CHL1: variants seen among roughly 807,000 people sequenced by gnomAD.
CHL1 encodes cell adhesion molecule L1 like.
Under a neutral mutation model 141.9 loss-of-function variants are expected in CHL1, and 96 were observed. That is an observed-to-expected ratio of 0.68 (90% CI 0.57 to 0.80). CHL1 has a LOEUF of 0.80. Among genes scored for constraint, CHL1 ranks in the 30% least tolerant of loss-of-function variants. CHL1 has a pLI of 0.00. For synonymous variants in CHL1, 613 were observed against 502.2 expected (o/e 1.22, Z -2.95); for missense variants, 1,820 against 1,457.2 (o/e 1.25, Z -4.05).
chr3:241,398 G>C (rs1692544068), intron 1 of CHL1, among the ~76,000 whole-genome samples: 1 of 152,152 alleles, frequency 6.6e-6, no homozygotes, highest in Non-Finnish European at 1.5e-5. Flanking sequence ...TGAAATATTA[G>C]ATAACTTCAG....
intron 1 of CHL1, among the ~76,000 whole-genome samples, chr3:243,761 A>G (rs1450917148): frequency 1.3e-5 from 2 of 152,148 alleles, no homozygotes; most frequent in African/African-American, 4.8e-5. Context: ...TAGTTTTATA[A>G]ATCTCCTTAA....
intron 5 of CHL1, among the ~76,000 whole-genome samples, chr3:336,216 T>C (rs536751910): frequency 1.3e-5 from 2 of 152,300 alleles, no homozygotes; most frequent in South Asian, 4.2e-4. Flanking sequence ...AAAAAGGCAT[T>C]GTACTTCTTT....
chr3:338,923 C>G (rs992930679), intron 5 of CHL1, among the ~76,000 whole-genome samples: 1 of 152,122 alleles, frequency 6.6e-6, no homozygotes, highest in Non-Finnish European at 1.5e-5. Flanking sequence ...TCTCAGGGAG[C>G]AGCTCTCCAA....
At chr3:334,046 TC>T (rs1701671561) in intron 5 of CHL1, among the ~76,000 whole-genome samples, 2 of 152,292 alleles carry the variant, frequency 1.3e-5, no homozygotes, top group African/African-American at 4.8e-5. Flanking sequence ...AGCCTCATCC[TC>T]CTGGGCTCTA....
rs202209788 is a variant in CHL1, at chr3:216,060, G to GA, written c.-175+19001dup. Reference sequence around the variant, plus strand: ...GTTATTAGGAATATTTTAAATATAAGAAAATGTGATACAAACCTGGCTGCC... The same window carrying GA: ...GTTATTAGGAATATTTTAAATATAAGAAAAATGTGATACAAACCTGGCTGCC... On this transcript the variant is annotated intron_variant, in intron 1 of 27. Transcript: ENST00000256509. Among the ~76,000 whole-genome samples, 1,186 of 152,234 alleles carry GA rather than the reference G, an allele frequency of 7.8e-3. 13 individuals are homozygous for GA. The highest frequency in any genetic ancestry group is 0.028 in the African/African-American group (1,145 of 41,530).
At chr3:400,137 C>G (rs989045657) in intron 26 of CHL1, among the ~76,000 whole-genome samples, 3 of 152,142 alleles carry the variant, frequency 2.0e-5, no homozygotes, top group Non-Finnish European at 4.4e-5. Flanking sequence ...GGTTACACTG[C>G]TATTTGTTTC....
chr3:318,553 A>G (rs1418526490), intron 2 of CHL1, among the ~76,000 whole-genome samples: 1 of 151,742 alleles, frequency 6.6e-6, no homozygotes, highest in Non-Finnish European at 1.5e-5. Flanking sequence ...TTGAAATTGT[A>G]AGAGAAAGTA....
intron 15 of CHL1, among the ~76,000 whole-genome samples, chr3:371,388 T>C (rs1296655489): frequency 1.3e-5 from 2 of 152,196 alleles, no homozygotes; most frequent in Non-Finnish European, 2.9e-5. Flanking sequence ...CTGATCTTTG[T>C]TGGTTTTAAG....
chr3:382,904 A>G (rs903949311), intron 18 of CHL1, among the ~76,000 whole-genome samples: 2 of 152,184 alleles, frequency 1.3e-5, no homozygotes, highest in African/African-American at 4.8e-5. Context: ...AAAAAACATT[A>G]CTTTCAGTAA....
rs1559311967 is a variant in CHL1, at chr3:363,274, T to A, written c.1476T>A (p.Asn492Lys). Reference protein sequence around the residue: ...LEGRRYHIYENGTLQINRTTE... With the variant: ...LEGRRYHIYEKGTLQINRTTE... ...GCAGGCGGTATCATATCTATGAAAA[T>A]GGCACATTGCAGATCAACAGAACCA... is the stretch of plus-strand genomic sequence containing the variant. Residue 492 changes from asparagine (N) to lysine (K), a missense_variant, in exon 14 of 28, where the codon AAT (asparagine) becomes AAA (lysine). By Grantham distance (94) the Asn-to-Lys change is moderately conservative (BLOSUM62 0). Transcript: ENST00000256509. 4 of 1,613,648 alleles carry A rather than the reference T, an allele frequency of 2.5e-6. No homozygotes were observed. Among genetic ancestry groups the A allele is most frequent in the Non-Finnish European group, 3.4e-6 (4 of 1,179,708 alleles).
Position 366,106 on chromosome 3 carries a change from A to G in CHL1, c.1742A>G (p.Glu581Gly). ...GAAGCCTTTGAAATTAATGGCACAG[A>G]AGATGGCAGGTAGGTAAACTATTAT... ...DGEAFEINGT[E>G]DGRIIIDGAN... Residue 581 changes from glutamate (E) to glycine (G), a missense_variant, in exon 15 of 28, where the codon GAA becomes GGA. By Grantham distance (98) the Glu-to-Gly change is moderately conservative. Transcript: ENST00000256509. 6.2e-7 allele frequency: 1 copy of G among 1,613,520 alleles called. No homozygotes were observed.
At chr3:226,366 A>G (rs1333793507) in intron 1 of CHL1, among the ~76,000 whole-genome samples, 1 of 71,376 alleles carries the variant, frequency 1.4e-5, no homozygotes, top group African/African-American at 4.7e-5. Flanking sequence ...ATTATATAAT[A>G]GAATATTTTA....
intron 2 of CHL1, among the ~76,000 whole-genome samples, chr3:284,502 G>C (rs1696953822): frequency 1.3e-5 from 2 of 152,116 alleles, no homozygotes; most frequent in Admixed American, 1.3e-4. Flanking sequence ...TTTTTATTGA[G>C]GGAGCATAGC....
intron 1 of CHL1, among the ~76,000 whole-genome samples, chr3:243,200 G>A (rs894648952): frequency 6.6e-6 from 1 of 152,148 alleles, no homozygotes; most frequent in African/African-American, 2.4e-5. Context: ...GTCAACAAAT[G>A]CAAACATTGC....
chr3:282,373 G>T (rs62227204), intron 2 of CHL1, among the ~76,000 whole-genome samples: 1 of 151,830 alleles, frequency 6.6e-6, no homozygotes, highest in Non-Finnish European at 1.5e-5. Flanking sequence ...TCTTTTAATC[G>T]GATAGAAGAA....
intron 2 of CHL1, among the ~76,000 whole-genome samples, chr3:282,527 G>T (rs1696763334): frequency 6.6e-6 from 1 of 152,158 alleles, no homozygotes; most frequent in African/African-American, 2.4e-5. Context: ...GTGCAGGACT[G>T]CTAGTAAGAA....
At chr3:321,538 C>A (rs541821128) in intron 3 of CHL1, among the ~76,000 whole-genome samples, 1 of 152,180 alleles carries the variant, frequency 6.6e-6, no homozygotes, top group East Asian at 1.9e-4. Flanking sequence ...CGAATAGCAA[C>A]GAAGATGCCA....
rs572067054 is a variant in CHL1 at position 408,855 on chromosome 3, A to G, written c.*3144A>G. On this transcript the variant is annotated 3_prime_UTR_variant, in exon 28 of 28. Coordinates refer to ENST00000256509, the MANE Select transcript of CHL1 (RefSeq NM_006614.4). ...ATTCTATCGGTATAAAGGCATTGAT[A>G]TTTTAGATGCACCCGTGTTTGTAAA... is the stretch of plus-strand genomic sequence containing the variant. 6.6e-6 allele frequency: 1 copy of G among 152,162 alleles called. No individual in the cohort carries two copies. Among genetic ancestry groups the G allele is most frequent in the South Asian group, 2.1e-4 (1 of 4,820 alleles). 9.4% of individuals were successfully genotyped at this position (152,162 alleles called of 1,614,324 possible).
chr3:396,846 G>T (rs1708716438), intron 24 of CHL1, among the ~76,000 whole-genome samples: 1 of 151,940 alleles, frequency 6.6e-6, no homozygotes, highest in African/African-American at 2.4e-5. Flanking sequence ...AGTTCAACAT[G>T]ATCTTTGAAA....
Sources: gnomAD v4.1 joint callset for allele counts (sites outside exome capture counted in the v4.1 genomes callset) on GRCh38, gnomAD v4.1.1 for gene constraint, MANE v1.5 for transcripts, NCBI Gene and HGNC (gene_info 2026-07-23, HGNC 2026-07-21) for gene names.